Variants in ZNF804B observed in about 807,000 individuals in gnomAD.
ZNF804B encodes zinc finger 804B.
A neutral mutation model predicts 101.4 loss-of-function variants in ZNF804B; 80 were observed. The ratio of observed to expected loss-of-function variants is 0.79; its 90% CI spans 0.66 to 0.95. The LOEUF (loss-of-function observed/expected upper bound fraction) is 0.95. ZNF804B is among the 40% of genes least tolerant of loss of function. The probability of loss-of-function intolerance (pLI) is 0.00; values close to 1 mark genes in which losing one functional copy is unlikely to be tolerated. For synonymous variants in ZNF804B, 622 were observed against 558.8 expected (o/e 1.11, Z -1.59); for missense variants, 1,673 against 1,561.9 (o/e 1.07, Z -1.20).
chr7:88,825,567 A>G (rs574049221), intron 1 of ZNF804B, among the ~76,000 whole-genome samples: 1 of 152,166 alleles, frequency 6.6e-6, no homozygotes, highest in African/African-American at 2.4e-5. Context: ...GAGAGAGGTC[A>G]AAGTAATATA....
intron 2 of ZNF804B, among the ~76,000 whole-genome samples, chr7:89,309,696 G>A (rs1790619325): frequency 7.1e-6 from 1 of 140,628 alleles, no homozygotes; most frequent in Non-Finnish European, 1.5e-5. Flanking sequence ...GCAGGCGGAG[G>A]TTACAATGAG....
rs374079655 is a variant in ZNF804B at position 89,335,748 on chromosome 7, T to A, written c.2766T>A (p.Pro922=). 7.1e-5 allele frequency: 114 copies of A among 1,613,864 alleles called. 1 individual carries two copies. In the Middle Eastern group the frequency reaches 2.0e-3, roughly 28 times the overall value. ...ACACTGCAGAAGGAGAGAGGACCCC[T>A]CTAACAGCAAAAATCCTTTTAGAAA... ...ESNTAEGERT[P]LTAKILLERV... The change falls in exon 4 of 4, where the codon CCT becomes CCA. Residue 922 remains proline, a synonymous_variant. Transcript: ENST00000333190.
Position 89,030,149 on chromosome 7 carries a change from A to T in ZNF804B, c.109-188006A>T, listed in dbSNP as rs1322377023. ...ATATCAGAAAAAAGCACAGGAGCTG[A>T]AGAAAGTCTGGGTCCCAGACTGATG... On this transcript the variant is annotated intron_variant, in intron 1 of 3. Coordinates refer to ENST00000333190, the MANE Select transcript of ZNF804B (RefSeq NM_181646.5). Among the ~76,000 whole-genome samples the T allele has an allele frequency of 5.9e-5, 9 of 152,252 alleles. No individual in the cohort carries two copies. The East Asian group carries it at 1.7e-3, about 29-fold the overall frequency.
intron 1 of ZNF804B, among the ~76,000 whole-genome samples, chr7:88,944,024 T>A: frequency 6.6e-6 from 1 of 151,880 alleles, no homozygotes; most frequent in South Asian, 2.1e-4. Context: ...TAGGTTATTT[T>A]CAGTTTGTGA....
chr7:89,299,682 G>A (rs1434852200), intron 2 of ZNF804B, among the ~76,000 whole-genome samples: 2 of 152,094 alleles, frequency 1.3e-5, no homozygotes, highest in Middle Eastern at 3.4e-3. Context: ...CACGTCTGAC[G>A]TGACTCACTG....
intron 2 of ZNF804B, among the ~76,000 whole-genome samples, chr7:89,250,908 A>G (rs1789529698): frequency 6.6e-6 from 1 of 152,202 alleles, no homozygotes; most frequent in African/African-American, 2.4e-5. Flanking sequence ...TGTTAAAAAC[A>G]TTCAAGGAAC....
chr7:89,035,220 T>A (rs1423305001), intron 1 of ZNF804B, among the ~76,000 whole-genome samples: 1 of 152,074 alleles, frequency 6.6e-6, no homozygotes, highest in East Asian at 1.9e-4. Context: ...AGAACAAACA[T>A]GGTTACTGTT....
chr7:89,192,865 A>G (rs955516997), intron 1 of ZNF804B, among the ~76,000 whole-genome samples: 60 of 152,100 alleles, frequency 3.9e-4, no homozygotes, highest in African/African-American at 1.4e-3. Context: ...ATAAATAAAC[A>G]TGATTAATCA....
chr7:88,964,978 A>T (rs1272591880), intron 1 of ZNF804B, among the ~76,000 whole-genome samples: 1 of 151,484 alleles, frequency 6.6e-6, no homozygotes, highest in East Asian at 2.0e-4. Context: ...TTACTGTTGA[A>T]GAAAATTTAT....
intron 1 of ZNF804B, among the ~76,000 whole-genome samples, chr7:89,124,225 C>T (rs865795395): frequency 4.9e-5 from 7 of 142,978 alleles, no homozygotes; most frequent in African/African-American, 1.5e-4. Flanking sequence ...ATCATAAATC[C>T]CACTATTCTT....
At position 88,780,491 on chromosome 7, in the gene ZNF804B, G is replaced by A. The variant is rs1242864755; in HGVS notation, c.108+20407G>A. On this transcript the variant is annotated intron_variant, in intron 1 of 3. Transcript: ENST00000333190. ...GCAGCCTTGACCTCCCAGGACTCAG[G>A]TGATCCTCCCACCTGAGCCTCCTGA... Among the ~76,000 whole-genome samples the A allele has an allele frequency of 2.7e-5, 4 of 150,122 alleles. No individual in the cohort carries two copies. The East Asian group carries it at 6.0e-4, about 22-fold the overall frequency.
At chr7:89,188,067 CT>C (rs200332085) in intron 1 of ZNF804B, among the ~76,000 whole-genome samples, 2 of 150,618 alleles carry the variant, frequency 1.3e-5, no homozygotes, top group East Asian at 2.0e-4. Context: ...CATTTTTTTT[CT>C]TTTTTTTTAC....
At chr7:89,329,562 T>C (rs553523626) in intron 3 of ZNF804B, among the ~76,000 whole-genome samples, 2 of 151,720 alleles carry the variant, frequency 1.3e-5, no homozygotes, top group South Asian at 4.1e-4. Flanking sequence ...AATTTACTGG[T>C]AGTGCATAAA....
At chr7:88,853,281 A>G (rs1791472675) in intron 1 of ZNF804B, among the ~76,000 whole-genome samples, 1 of 152,152 alleles carries the variant, frequency 6.6e-6, no homozygotes, top group Admixed American at 6.6e-5. Context: ...AGATTTTCTA[A>G]CAGCTGAAGG....
In ZNF804B at chr7:88,941,383, A is replaced by G. The variant is rs968647854; in HGVS notation, c.108+181299A>G. Among the ~76,000 whole-genome samples the G allele has an allele frequency of 5.3e-5, 8 of 152,034 alleles. No homozygotes were observed. The East Asian group carries it at 1.2e-3, about 22-fold the overall frequency. ...AACCAAGATGTCCTTCGTTGAGTGG[A>G]TAAATAAACTGTAATGCATTTAGAT... On this transcript the variant is annotated intron_variant, in intron 1 of 3. Transcript: ENST00000333190.
At position 88,881,603 on chromosome 7, in the gene ZNF804B, G is replaced by C. The variant is rs79150467; in HGVS notation, c.108+121519G>C. Among the ~76,000 whole-genome samples, 517 of 152,236 alleles carry C rather than the reference G, an allele frequency of 3.4e-3. 5 individuals carry two copies. The highest frequency in any genetic ancestry group is 0.012 in the African/African-American group (505 of 41,564). On this transcript the variant is annotated intron_variant, in intron 1 of 3. Coordinates refer to ENST00000333190, the MANE Select transcript of ZNF804B (RefSeq NM_181646.5). Reference sequence around the variant, plus strand: ...GTGAACATATTTTAAAATGGCTTAGGCTACAGATTCTTTCCTTACAAATCC... The same window carrying C: ...GTGAACATATTTTAAAATGGCTTAGCCTACAGATTCTTTCCTTACAAATCC...
chr7:89,014,917 C>G (rs146504391), intron 1 of ZNF804B, among the ~76,000 whole-genome samples: 393 of 152,244 alleles, frequency 2.6e-3, no homozygotes, highest in Non-Finnish European at 3.7e-3. Context: ...TTCATAAAAC[C>G]TTTTCCCAGA....
At chr7:89,278,783 A>G (rs1208864) in intron 2 of ZNF804B, among the ~76,000 whole-genome samples, 57,822 of 147,016 alleles carry the variant, frequency 0.39, 11,647 homozygotes, top group African/African-American at 0.45. Context: ...GTCAGGTAGC[A>G]TGATGCCTCC....
At chr7:88,934,947 T>C (rs1459391868) in intron 1 of ZNF804B, among the ~76,000 whole-genome samples, 1 of 151,630 alleles carries the variant, frequency 6.6e-6, no homozygotes, top group African/African-American at 2.4e-5. Context: ...AGCAGCACAA[T>C]TCATAATTGC....
Sources: gnomAD v4.1 joint callset for allele counts (sites outside exome capture counted in the v4.1 genomes callset) on GRCh38, gnomAD v4.1.1 for gene constraint, MANE v1.5 for transcripts, NCBI Gene and HGNC (gene_info 2026-07-23, HGNC 2026-07-21) for gene names.